The following ZFHX4 variants were observed in gnomAD, a reference collection of about 807,000 sequenced individuals.
ZFHX4 encodes the protein zinc finger homeobox 4.
In ZFHX4, 56 loss-of-function variants were observed where a neutral mutation model predicts 267.6. The observed-to-expected ratio is 0.21, with a 90% CI of 0.17 to 0.26. The LOEUF (loss-of-function observed/expected upper bound fraction) is 0.26. Ranked by LOEUF, ZFHX4 falls within the 10% of genes least tolerant of loss-of-function variation. The probability of loss-of-function intolerance (pLI) is 1.00; values close to 1 mark genes in which losing one functional copy is unlikely to be tolerated. For synonymous variants in ZFHX4, 1,778 were observed against 1,665.6 expected (o/e 1.07, Z -1.64); for missense variants, 4,332 against 4,420.0 (o/e 0.98, Z 0.56).
chr8:76,723,646 A>G (rs539821090), intron 3 of ZFHX4, among the ~76,000 whole-genome samples: 2 of 151,838 alleles, frequency 1.3e-5, no homozygotes, highest in African/African-American at 4.8e-5. Context: ...AAATAAGGAT[A>G]TGGTGTCAAG....
At chr8:76,717,046 A>G (rs1325867952) in intron 3 of ZFHX4, among the ~76,000 whole-genome samples, 2 of 152,160 alleles carry the variant, frequency 1.3e-5, no homozygotes, top group African/African-American at 2.4e-5. Context: ...TTAACTTACT[A>G]CACAAGAACA....
intron 3 of ZFHX4, among the ~76,000 whole-genome samples, chr8:76,740,808 T>C (rs934581196): frequency 2.6e-5 from 4 of 152,048 alleles, no homozygotes; most frequent in Admixed American, 2.6e-4. Flanking sequence ...CAGAAATAGA[T>C]AACAAAAAGG....
At chr8:76,740,249 TATA>T (rs1809280083) in intron 3 of ZFHX4, among the ~76,000 whole-genome samples, 1 of 151,584 alleles carries the variant, frequency 6.6e-6, no homozygotes, top group Non-Finnish European at 1.5e-5. Flanking sequence ...AAAACATGTT[TATA>T]ATATTAAAGG....
chr8:76,784,501 A>G (rs1044782118), intron 4 of ZFHX4, among the ~76,000 whole-genome samples: 6 of 152,140 alleles, frequency 3.9e-5, no homozygotes, highest in Middle Eastern at 6.8e-3. Context: ...TGCTCTAGCC[A>G]TGGGTGATGT....
At chr8:76,723,661 A>T (rs1400504965) in intron 3 of ZFHX4, among the ~76,000 whole-genome samples, 2 of 151,792 alleles carry the variant, frequency 1.3e-5, no homozygotes, top group Non-Finnish European at 2.9e-5. Flanking sequence ...GTCAAGCAGG[A>T]TGGACATAGG....
At chr8:76,790,717 T>C (rs554673902) in intron 4 of ZFHX4, among the ~76,000 whole-genome samples, 3 of 152,284 alleles carry the variant, frequency 2.0e-5, no homozygotes, top group South Asian at 2.1e-4. Context: ...TCATCAGTTA[T>C]CTTTTTTTGC....
rs1045639217 is a variant in ZFHX4 at position 76,864,331 on chromosome 8, T to C, written c.10617T>C (p.Ala3539=). ...TCCAAGCGTCTGCCAGGAGAGCTGC[T>C]TCTCCCCCTTCTTCTCCTCCTTCCC... The part of the protein sequence containing the change: ...ILFQASARRA[A]SPPSSPPSLS... Residue 3539 remains alanine, a synonymous_variant, in exon 11 of 11, where the codon GCT becomes GCC. Coordinates refer to ENST00000651372, the MANE Select transcript of ZFHX4 (RefSeq NM_024721.5). 5.0e-6 allele frequency: 8 copies of C among 1,613,744 alleles called. No homozygotes were observed. The African/African-American group carries it at 1.1e-4, about 22-fold the overall frequency.
intron 8 of ZFHX4, 157 bp downstream of exon 8, chr8:76,849,869 G>A (rs1812465939): frequency 1.8e-5 from 14 of 793,442 alleles, no homozygotes; most frequent in Non-Finnish European, 2.6e-5. Flanking sequence ...AGGCCCATTT[G>A]TGACCTCTTT....
intron 3 of ZFHX4, among the ~76,000 whole-genome samples, chr8:76,761,614 A>G (rs1205675018): frequency 2.6e-5 from 4 of 152,244 alleles, no homozygotes; most frequent in Non-Finnish European, 5.9e-5. Flanking sequence ...GAATGTAAAA[A>G]GAGATCCTTG....
intron 4 of ZFHX4, chr8:76,782,111 T>C (rs1414152073): frequency 2.8e-6 from 1 of 357,670 alleles, no homozygotes. Context: ...TTTTTTTTTT[T>C]TTTTTTTTTT....
intron 5 of ZFHX4, among the ~76,000 whole-genome samples, chr8:76,838,021 C>T (rs868745013): frequency 2.0e-5 from 3 of 152,038 alleles, no homozygotes; most frequent in Non-Finnish European, 2.9e-5. Flanking sequence ...TTATTAACTC[C>T]GTTTTCATAG....
In ZFHX4 at chr8:76,852,151, C is replaced by A; in HGVS notation, c.5230C>A (p.Pro1744Thr). The change falls in exon 10 of 11, where the codon CCT becomes ACT. Residue 1744 changes from proline (P) to threonine (T), a missense_variant. Physicochemically the swap from Pro to Thr is conservative, Grantham distance 38. Around this residue, in one of 7 missense-constraint regions of ZFHX4, gnomAD observed 1,371 missense variants for 1,423.1 expected, o/e 0.96. Coordinates refer to ENST00000651372, the MANE Select transcript of ZFHX4 (RefSeq NM_024721.5). ...QPQFLFPFYIPGTEFSLGPDL... is the reference protein window; with the variant it reads ...QPQFLFPFYITGTEFSLGPDL... ...TCAGTTTCTCTTTCCATTTTATATA[C>A]CTGGGACGGAGTTCAGCTTGGGGCC... is the stretch of plus-strand genomic sequence containing the variant. 6.2e-7 allele frequency: 1 copy of A among 1,613,902 alleles called. No individual in the cohort carries two copies. The highest frequency in any genetic ancestry group is 8.5e-7 in the Non-Finnish European group (1 of 1,179,864).
chr8:76,814,514 C>CGAA (rs1457619065), intron 4 of ZFHX4, among the ~76,000 whole-genome samples: 3 of 152,080 alleles, frequency 2.0e-5, no homozygotes, highest in Admixed American at 6.5e-5. Flanking sequence ...CAGTTTTATA[C>CGAA]GAAGAAGGTC....
chr8:76,780,599 G>C (rs1211615429), intron 4 of ZFHX4, among the ~76,000 whole-genome samples: 1 of 152,070 alleles, frequency 6.6e-6, no homozygotes, highest in African/African-American at 2.4e-5. Context: ...GCCTTCTCAA[G>C]CTCTCTTTTG....
At chr8:76,759,641 G>C (rs6472983) in intron 3 of ZFHX4, among the ~76,000 whole-genome samples, 1 of 151,962 alleles carries the variant, frequency 6.6e-6, no homozygotes, top group Non-Finnish European at 1.5e-5. Context: ...GCTAAGTTTA[G>C]GTTTGGAAAT....
intron 6 of ZFHX4, among the ~76,000 whole-genome samples, chr8:76,845,418 G>A (rs1416343625): frequency 1.3e-5 from 2 of 151,876 alleles, no homozygotes; most frequent in African/African-American, 4.8e-5. Context: ...TTTTTAATAA[G>A]GGAGTAAACA....
chr8:76,725,253 G>T (rs893533443), intron 3 of ZFHX4, among the ~76,000 whole-genome samples: 1 of 152,066 alleles, frequency 6.6e-6, no homozygotes, highest in African/African-American at 2.4e-5. Context: ...AATGTACATT[G>T]TCATAATACT....
At chr8:76,684,920 A>G (rs768758717) in intron 1 of ZFHX4, among the ~76,000 whole-genome samples, 1 of 152,226 alleles carries the variant, frequency 6.6e-6, no homozygotes, top group Non-Finnish European at 1.5e-5. Context: ...GCCTAAATTT[A>G]CACAATGAAA....
In ZFHX4 at chr8:76,704,382, C is replaced by T. The variant is rs954177513; in HGVS notation, c.294C>T (p.His98=). The change falls in exon 2 of 11, where the codon CAC becomes CAT. Residue 98 remains histidine, a synonymous_variant. Coordinates refer to ENST00000651372, the MANE Select transcript of ZFHX4 (RefSeq NM_024721.5). ...SFPSLQKYME[H]HCPNARLPVL... is the part of the protein sequence containing the mutation. ...CCAGTTTACAGAAATACATGGAACA[C>T]CACTGCCCTAATGCCCGCCTTCCTG... 2 of 1,613,980 alleles carry T rather than the reference C, an allele frequency of 1.2e-6. No homozygotes were observed. The highest frequency in any genetic ancestry group is 1.3e-5 in the African/African-American group (1 of 75,032).
Sources: gnomAD v4.1 joint callset for allele counts (sites outside exome capture counted in the v4.1 genomes callset) on GRCh38, gnomAD v4.1.1 for gene constraint, gnomAD v4.1.1 regional missense constraint, MANE v1.5 for transcripts, NCBI Gene and HGNC (gene_info 2026-07-23, HGNC 2026-07-21) for gene names.